MALRD1: variants seen among roughly 807,000 people sequenced by gnomAD.
The protein encoded by MALRD1 is MAM and LDL-receptor class A domain-containing protein 1.
MALRD1 carries 247 observed loss-of-function variants against 242.1 expected under a neutral mutation model. The ratio of observed to expected loss-of-function variants is 1.02; its 90% confidence interval spans 0.92 to 1.13. The LOEUF is 1.13. Among genes scored for constraint, MALRD1 ranks in the 50% most tolerant of loss-of-function variants. MALRD1 has a pLI of 0.00. For synonymous variants in MALRD1, 995 were observed against 866.6 expected (o/e 1.15, Z -2.60); for missense variants, 2,989 against 2,533.1 (o/e 1.18, Z -3.86).
intron 39 of MALRD1, among the ~76,000 whole-genome samples, 192 bp downstream of exon 39, chr10:19,730,973 C>G (rs1300857341): frequency 6.6e-6 from 1 of 152,120 alleles, no homozygotes; most frequent in African/African-American, 2.4e-5. Context: ...TGAGAATTGT[C>G]CATTTCAGGA....
At chr10:19,208,013 C>A (rs1836863037) in intron 17 of MALRD1, among the ~76,000 whole-genome samples, 1 of 152,060 alleles carries the variant, frequency 6.6e-6, no homozygotes, top group Non-Finnish European at 1.5e-5. Flanking sequence ...TACAAGATTT[C>A]ATCAGGCTGC....
At chr10:19,331,667 A>G (rs555502674) in intron 24 of MALRD1, 85 bp downstream of exon 24, 2 of 1,107,668 alleles carry the variant, frequency 1.8e-6, no homozygotes, top group Admixed American at 4.1e-5. Context: ...TGAAACATGC[A>G]GAGTGTGTGT....
At chr10:19,072,854 G>A (rs1188301977) in intron 2 of MALRD1, among the ~76,000 whole-genome samples, 2 of 151,916 alleles carry the variant, frequency 1.3e-5, no homozygotes, top group Non-Finnish European at 2.9e-5. Flanking sequence ...TTTGTACTGA[G>A]AGTACAAACA....
intron 26 of MALRD1, among the ~76,000 whole-genome samples, chr10:19,375,806 C>T (rs949979495): frequency 4.6e-5 from 7 of 152,140 alleles, no homozygotes; most frequent in Non-Finnish European, 1.0e-4. Flanking sequence ...CTTGAATTTA[C>T]AATTAAAAAG....
At chr10:19,231,392 C>G (rs964840287) in intron 18 of MALRD1, among the ~76,000 whole-genome samples, 14 of 152,154 alleles carry the variant, frequency 9.2e-5, no homozygotes, top group African/African-American at 2.4e-4. Context: ...GGAATCTGGC[C>G]TCAGACAGGT....
chr10:19,649,787 T>C (rs1422094882), intron 36 of MALRD1, among the ~76,000 whole-genome samples: 2 of 152,198 alleles, frequency 1.3e-5, no homozygotes, highest in Non-Finnish European at 2.9e-5. Flanking sequence ...GTCTTTGTCA[T>C]AAAATTTCTG....
intron 14 of MALRD1, among the ~76,000 whole-genome samples, chr10:19,203,318 G>A (rs185687229): frequency 1.3e-4 from 20 of 152,116 alleles, no homozygotes; most frequent in Admixed American, 7.9e-4. Context: ...ATATTAAATT[G>A]TTTAGAAGTA....
intron 18 of MALRD1, among the ~76,000 whole-genome samples, chr10:19,220,650 G>A (rs190747706): frequency 5.3e-4 from 80 of 152,238 alleles, no homozygotes; most frequent in African/African-American, 1.9e-3. Context: ...AGATACTCCA[G>A]TGTTAACGAA....
At chr10:19,425,808 T>A (rs1202359748) in intron 28 of MALRD1, among the ~76,000 whole-genome samples, 1 of 152,188 alleles carries the variant, frequency 6.6e-6, no homozygotes, top group Non-Finnish European at 1.5e-5. Context: ...ACGATTGAAT[T>A]GTTAAAAATT....
intron 29 of MALRD1, among the ~76,000 whole-genome samples, chr10:19,468,458 CTT>C (rs1564368347): frequency 6.6e-6 from 1 of 151,992 alleles, no homozygotes; most frequent in African/African-American, 2.4e-5. Flanking sequence ...ATGTTTTACT[CTT>C]GTTAATATAT....
intron 32 of MALRD1, among the ~76,000 whole-genome samples, chr10:19,555,064 G>A (rs1051563708): frequency 6.6e-6 from 1 of 151,982 alleles, no homozygotes; most frequent in South Asian, 2.1e-4. Flanking sequence ...GTTGTTTCTC[G>A]ACATTTTAAT....
At chr10:19,573,057 T>A (rs981428485) in intron 33 of MALRD1, among the ~76,000 whole-genome samples, 21 of 152,200 alleles carry the variant, frequency 1.4e-4, no homozygotes, top group African/African-American at 5.1e-4. Flanking sequence ...AGTCAAGAAC[T>A]GGGTGCAGAT....
chr10:19,232,075 G>A (rs1838104491), intron 18 of MALRD1, among the ~76,000 whole-genome samples: 1 of 152,008 alleles, frequency 6.6e-6, no homozygotes, highest in Non-Finnish European at 1.5e-5. Flanking sequence ...GAGGGACATA[G>A]GGGGCACTTT....
At chr10:19,414,521 C>T (rs1480149098) in intron 28 of MALRD1, among the ~76,000 whole-genome samples, 3 of 151,984 alleles carry the variant, frequency 2.0e-5, no homozygotes, top group Non-Finnish European at 4.4e-5. Context: ...TTTTAGATTG[C>T]CATGTAATTT....
chr10:19,474,475 A>G (rs1836638352), intron 29 of MALRD1, among the ~76,000 whole-genome samples: 1 of 152,094 alleles, frequency 6.6e-6, no homozygotes, highest in Non-Finnish European at 1.5e-5. Context: ...TCTAAGGCAT[A>G]GCTTTTCTTT....
intron 5 of MALRD1, among the ~76,000 whole-genome samples, chr10:19,105,161 C>T (rs1238502113): frequency 6.6e-6 from 1 of 152,054 alleles, no homozygotes; most frequent in Admixed American, 6.5e-5. Context: ...TCTATACACA[C>T]ACCGTCCATG....
intron 5 of MALRD1, among the ~76,000 whole-genome samples, chr10:19,121,677 G>A (rs149263521): frequency 1.2e-3 from 187 of 152,280 alleles, no homozygotes; most frequent in African/African-American, 4.4e-3. Flanking sequence ...TGAAATTTCT[G>A]TCTAAATGGA....
intron 31 of MALRD1, among the ~76,000 whole-genome samples, chr10:19,522,226 A>G (rs1234151781): frequency 6.6e-6 from 1 of 152,102 alleles, no homozygotes; most frequent in African/African-American, 2.4e-5. Flanking sequence ...TCTTCTACAA[A>G]CTGAGTTCTT....
At chr10:19,708,340 CTTTTTT>C (rs545136011) in intron 38 of MALRD1, among the ~76,000 whole-genome samples, 7 of 76,090 alleles carry the variant, frequency 9.2e-5, no homozygotes, top group Admixed American at 3.0e-4. Flanking sequence ...TTTTCTTTTT[CTTTTTT>C]TTTTTTTTTG....
Sources: gnomAD v4.1 joint callset for allele counts (sites outside exome capture counted in the v4.1 genomes callset) on GRCh38, gnomAD v4.1.1 for gene constraint, MANE v1.5 for transcripts, NCBI Gene and HGNC (gene_info 2026-07-23, HGNC 2026-07-21) for gene names.